LRP1B: variants seen among roughly 807,000 people sequenced by gnomAD.
LRP1B encodes the protein LDL receptor related protein 1B.
Under a neutral mutation model 556.6 loss-of-function variants are expected in LRP1B, and 217 were observed. The ratio of observed to expected loss-of-function variants is 0.39; its 90% CI spans 0.35 to 0.44. LRP1B has a LOEUF of 0.44. Among genes scored for constraint, LRP1B ranks in the 20% least tolerant of loss-of-function variants. LRP1B has a pLI of 1.00. For synonymous variants in LRP1B, 2,047 were observed against 1,865.8 expected, an observed-to-expected ratio of 1.10 and a Z score of -2.50; for missense variants, 5,053 against 5,620.8, an observed-to-expected ratio of 0.90 and a Z score of 3.23.
rs545907194 is a variant in LRP1B at position 141,828,877 on chromosome 2, T to C, written c.83-18476A>G. 2.6e-5 allele frequency among the ~76,000 whole-genome samples: 4 copies of C among 152,040 alleles called. No homozygotes were observed. In the South Asian group the frequency reaches 8.3e-4, roughly 32 times the overall value. ...AAAAGCTATGAAATTAAAAAAAAATTATAGGGTAGATTTGGAATCAAATGG... is the reference window on the plus strand; with the variant it reads ...AAAAGCTATGAAATTAAAAAAAAATCATAGGGTAGATTTGGAATCAAATGG... On this transcript the variant is annotated intron_variant, in intron 1 of 90. Transcript: ENST00000389484.
At chr2:141,428,515 A>C (rs1033699237) in intron 3 of LRP1B, among the ~76,000 whole-genome samples, 1 of 152,212 alleles carries the variant, frequency 6.6e-6, no homozygotes, top group African/African-American at 2.4e-5. Flanking sequence ...AGTGATGTAC[A>C]TCTTTCACCC....
chr2:142,082,117 A>G (rs1705741395), intron 1 of LRP1B, among the ~76,000 whole-genome samples: 1 of 152,184 alleles, frequency 6.6e-6, no homozygotes, highest in Admixed American at 6.5e-5. Context: ...TAAAGTCTGA[A>G]AGTTTAGGTT....
At chr2:141,048,932 T>C (rs1190325253) in intron 11 of LRP1B, 54 bp downstream of exon 11, 33 of 1,352,102 alleles carry the variant, frequency 2.4e-5, no homozygotes, top group Non-Finnish European at 8.5e-6. Flanking sequence ...GATTTATCCT[T>C]TTAAAGTGCT....
chr2:141,919,796 T>C (rs1700134161), intron 1 of LRP1B, among the ~76,000 whole-genome samples: 1 of 152,052 alleles, frequency 6.6e-6, no homozygotes, highest in Admixed American at 6.5e-5. Flanking sequence ...TATGAAGTGA[T>C]TTCATTTCTA....
At chr2:140,432,170 G>C (rs1288474505) in intron 66 of LRP1B, among the ~76,000 whole-genome samples, 1 of 151,930 alleles carries the variant, frequency 6.6e-6, no homozygotes, top group Non-Finnish European at 1.5e-5. Flanking sequence ...GCCCATCCTG[G>C]CTCAAAAACT....
At chr2:140,568,421 A>G (rs1271014944) in intron 43 of LRP1B, among the ~76,000 whole-genome samples, 2 of 152,016 alleles carry the variant, frequency 1.3e-5, no homozygotes, top group African/African-American at 4.8e-5. Flanking sequence ...TAGATTACTT[A>G]TAATTATTCT....
chr2:140,421,935 G>C (rs1685463047), intron 66 of LRP1B, among the ~76,000 whole-genome samples: 1 of 152,170 alleles, frequency 6.6e-6, no homozygotes, highest in Admixed American at 6.6e-5. Context: ...GGATGAAGGG[G>C]CAACTCAGTG....
intron 45 of LRP1B, among the ~76,000 whole-genome samples, chr2:140,537,539 C>T (rs1209830198): frequency 6.6e-6 from 1 of 151,962 alleles, no homozygotes; most frequent in African/African-American, 2.4e-5. Flanking sequence ...GTGGGAGGTT[C>T]CCGGGAGCAG....
At chr2:141,131,329 C>T (rs1701346560) in intron 7 of LRP1B, among the ~76,000 whole-genome samples, 1 of 148,968 alleles carries the variant, frequency 6.7e-6, no homozygotes, top group Non-Finnish European at 1.5e-5. Context: ...ACATTCTACA[C>T]AACAATTTAA....
At chr2:142,118,628 A>G (rs62155637) in intron 1 of LRP1B, among the ~76,000 whole-genome samples, 3,413 of 152,270 alleles carry the variant, frequency 0.022, 61 homozygotes, top group Non-Finnish European at 0.034. Context: ...AAAGCCCTTC[A>G]GCAGACTTTG....
At chr2:140,395,577 T>A (rs1684211814) in intron 66 of LRP1B, among the ~76,000 whole-genome samples, 1 of 152,202 alleles carries the variant, frequency 6.6e-6, no homozygotes, top group Admixed American at 6.6e-5. Flanking sequence ...CTTATCCCAG[T>A]GAGAGCCAAC....
intron 84 of LRP1B, among the ~76,000 whole-genome samples, chr2:140,291,835 T>A (rs968050417): frequency 6.6e-6 from 1 of 152,278 alleles, no homozygotes; most frequent in East Asian, 1.9e-4. Context: ...AGTAATGGGA[T>A]GGCTGGGTCA....
intron 2 of LRP1B, among the ~76,000 whole-genome samples, chr2:141,764,177 C>A (rs936187090): frequency 1.3e-5 from 2 of 151,800 alleles, no homozygotes; most frequent in Admixed American, 1.3e-4. Context: ...CTCTGTCTGA[C>A]AAGATGGTGT....
intron 1 of LRP1B, among the ~76,000 whole-genome samples, chr2:141,908,704 G>A (rs1699826578): frequency 6.6e-6 from 1 of 151,990 alleles, no homozygotes; most frequent in South Asian, 2.1e-4. Flanking sequence ...CCTGGTGATG[G>A]AATGGCTAGG....
chr2:141,237,939 C>T (rs1381250765), intron 5 of LRP1B, among the ~76,000 whole-genome samples: 1 of 151,944 alleles, frequency 6.6e-6, no homozygotes, highest in Non-Finnish European at 1.5e-5. Flanking sequence ...ATATGAACTC[C>T]TCAATGTTTT....
intron 3 of LRP1B, among the ~76,000 whole-genome samples, chr2:141,411,870 C>T (rs1690865458): frequency 6.6e-6 from 1 of 151,918 alleles, no homozygotes; most frequent in South Asian, 2.1e-4. Flanking sequence ...AAAGTATAAA[C>T]AGAATGTGTG....
At chr2:140,466,124 CTTTTTTTT>C (rs74381027) in intron 60 of LRP1B, among the ~76,000 whole-genome samples, 25 of 125,692 alleles carry the variant, frequency 2.0e-4, no homozygotes, top group Admixed American at 3.2e-4. Flanking sequence ...TTTCTTTTTT[CTTTTTTTT>C]TTTTTTTTGG....
intron 7 of LRP1B, among the ~76,000 whole-genome samples, chr2:141,155,368 GATC>G (rs1348551690): frequency 3.4e-4 from 52 of 151,722 alleles, no homozygotes; most frequent in African/African-American, 1.2e-3. Flanking sequence ...TTTCTTATGT[GATC>G]ATCAAAATAG....
At chr2:141,931,889 A>C (rs1700517903) in intron 1 of LRP1B, among the ~76,000 whole-genome samples, 1 of 152,042 alleles carries the variant, frequency 6.6e-6, no homozygotes. Flanking sequence ...CAAAACAACT[A>C]AATCTGGAGA....
Sources: allele counts gnomAD v4.1 joint callset (sites outside exome capture counted in the v4.1 genomes callset), GRCh38; gene constraint gnomAD v4.1.1; transcripts MANE v1.5; gene names NCBI Gene and HGNC (gene_info 2026-07-23, HGNC 2026-07-21).